The following ANKFY1 variants were observed in gnomAD, a reference collection of about 807,000 sequenced individuals.
The protein encoded by ANKFY1 is ankyrin repeat and FYVE domain containing 1.
In ANKFY1, 47 loss-of-function variants were observed where a neutral mutation model predicts 128.3. The ratio of observed to expected loss-of-function variants is 0.37; its 90% CI spans 0.29 to 0.47. The LOEUF is 0.47. ANKFY1 is among the 20% of genes least tolerant of loss of function. The pLI is 1.00. For synonymous variants in ANKFY1, 553 were observed against 601.6 expected (o/e 0.92, Z 1.18); for missense variants, 1,222 against 1,510.6 (o/e 0.81, Z 3.17).
intron 3 of ANKFY1, chr17:4,223,940 G>T: frequency 1.7e-6 from 1 of 574,128 alleles, no homozygotes; most frequent in East Asian, 2.8e-5. Flanking sequence ...CTGTGCCTCA[G>T]CAATGCTTTA....
At chr17:4,222,877 C>G (rs2060350910) in intron 3 of ANKFY1, 4 of 982,174 alleles carry the variant, frequency 4.1e-6, no homozygotes, top group Non-Finnish European at 6.6e-6. Flanking sequence ...TATCCGAGAG[C>G]TGACACACCC....
At chr17:4,173,021 T>C (rs2059350243) in intron 21 of ANKFY1, among the ~76,000 whole-genome samples, 1 of 152,204 alleles carries the variant, frequency 6.6e-6, no homozygotes, top group Non-Finnish European at 1.5e-5. Flanking sequence ...CACGCCCAGA[T>C]AATTTTTTGT....
intron 1 of ANKFY1, among the ~76,000 whole-genome samples, chr17:4,250,314 A>G (rs1235365350): frequency 5.9e-5 from 9 of 152,226 alleles, no homozygotes; most frequent in Admixed American, 2.0e-4. Flanking sequence ...ATCAAACTTC[A>G]TATCTTCCTC....
chr17:4,245,698 G>A (rs1967501156), intron 1 of ANKFY1, among the ~76,000 whole-genome samples: 1 of 149,142 alleles, frequency 6.7e-6, no homozygotes, highest in African/African-American at 2.5e-5. Context: ...AGCCGAGATT[G>A]TGCCACTGTA....
Position 4,179,237 on chromosome 17 carries a change from A to G in ANKFY1, c.2398-180T>C, listed in dbSNP as rs1363039952. On this transcript the variant is annotated intron_variant, in intron 17 of 24. Transcript: ENST00000341657. ...ATGACTAAATGTCACTTCCTGTTAC[A>G]CCACGTTCCAGTGACCCAGTGGTGA... 4 of 682,496 alleles carry G rather than the reference A, an allele frequency of 5.9e-6. No homozygotes were observed. The Admixed American group carries it at 7.7e-5, about 13-fold the overall frequency. The allele number at this position is 682,496 out of a possible 1,614,324, so 42.3% of individuals were successfully genotyped here. A position where few individuals can be genotyped will look rare whatever the true frequency, so the allele number is the denominator to read the frequency against.
chr17:4,218,782 G>A (rs886328523), intron 3 of ANKFY1, among the ~76,000 whole-genome samples: 1 of 152,168 alleles, frequency 6.6e-6, no homozygotes, highest in Non-Finnish European at 1.5e-5. Flanking sequence ...AGGGGCCAAT[G>A]TGGGAAGAGA....
intron 10 of ANKFY1, among the ~76,000 whole-genome samples, chr17:4,190,759 C>T (rs2143008041): frequency 6.6e-6 from 1 of 152,006 alleles, no homozygotes; most frequent in South Asian, 2.1e-4. Context: ...AATCCATTTC[C>T]AAAAATGAAC....
chr17:4,263,937 G>C lies in ANKFY1; in HGVS notation c.5C>G (p.Ala2Gly), dbSNP rs1968567696. ...GCTCCACAAAAAAACCCTACCTTCC[G>C]CCATGTCTGGCCCGGCACTGCCTGC... Reference protein sequence around the residue: MAEEEVAKLEKH... With the variant: MGEEEVAKLEKH... The change falls in exon 1 of 25, where the codon GCG (alanine) becomes GGG (glycine). Residue 2 changes from alanine to glycine, a missense_variant. Coordinates refer to ENST00000341657, the MANE Select transcript of ANKFY1 (RefSeq NM_001330063.2). The C allele has an allele frequency of 1.9e-6, 3 of 1,613,956 alleles. No individual in the cohort carries two copies. The highest frequency in any genetic ancestry group is 8.5e-7 in the Non-Finnish European group (1 of 1,179,944).
rs150152277 is a variant in ANKFY1 at position 4,200,824 on chromosome 17, C to G, written c.899-3247G>C. Among the ~76,000 whole-genome samples the G allele has an allele frequency of 8.6e-4, 131 of 152,324 alleles. 1 individual carries two copies. The highest frequency in any genetic ancestry group is 3.0e-3 in the African/African-American group (123 of 41,568). ...ACAACTCGAGACGATGATTTTCTCT[C>G]TCTTCCAAAGTTTTCCTTTCATATC... On this transcript the variant is annotated intron_variant, in intron 7 of 24. Transcript: ENST00000341657.
intron 22 of ANKFY1, among the ~76,000 whole-genome samples, chr17:4,171,736 C>A (rs951332610): frequency 6.6e-6 from 1 of 152,132 alleles, no homozygotes; most frequent in African/African-American, 2.4e-5. Context: ...AAAAACAGTG[C>A]GCACGTAGCA....
intron 1 of ANKFY1, among the ~76,000 whole-genome samples, chr17:4,245,735 C>G (rs1227045418): frequency 7.1e-6 from 1 of 140,904 alleles, no homozygotes; most frequent in Admixed American, 7.4e-5. Context: ...AGAGCAAGAC[C>G]CTGTCTCAAA....
chr17:4,236,319 A>G (rs976198055), intron 2 of ANKFY1, among the ~76,000 whole-genome samples: 6 of 152,340 alleles, frequency 3.9e-5, no homozygotes, highest in Middle Eastern at 3.4e-3. Context: ...TATGCTCCAC[A>G]GTAACGCTCA....
chr17:4,182,121 C>A, intron 15 of ANKFY1, 60 bp downstream of exon 15: 4 of 1,361,036 alleles, frequency 2.9e-6, no homozygotes, highest in Non-Finnish European at 3.9e-6. Flanking sequence ...GGCAGCAGAT[C>A]CATCTCTGAC....
chr17:4,231,091 T>C (rs1660306320), intron 3 of ANKFY1, among the ~76,000 whole-genome samples: 1 of 152,262 alleles, frequency 6.6e-6, no homozygotes, highest in Admixed American at 6.5e-5. Flanking sequence ...TTGTTTTTCA[T>C]AACCTTGACA....
intron 7 of ANKFY1, 64 bp from the exon 8 acceptor site, chr17:4,197,641 G>T: frequency 6.8e-7 from 1 of 1,478,562 alleles, no homozygotes; most frequent in African/African-American, 1.4e-5. Flanking sequence ...GCTTCTTCAA[G>T]AGGGAGCAGA....
intron 1 of ANKFY1, among the ~76,000 whole-genome samples, chr17:4,250,411 T>C (rs1490711270): frequency 1.3e-5 from 2 of 152,352 alleles, no homozygotes; most frequent in East Asian, 3.9e-4. Flanking sequence ...TTTTTAATAG[T>C]ATACCAAACA....
At position 4,170,781 on chromosome 17, in the gene ANKFY1, T is replaced by C; in HGVS notation, c.3220A>G (p.Asn1074Asp). The part of the protein sequence containing the change: ...VRSGARLGVN[N>D]NQGVNIFNYQ... ...TTGAAGATGTTGACTCCCTGGTTGT[T>C]ATTCACCCCGAGGCGAGCCCCCGAC... Residue 1074 changes from asparagine to aspartate, a missense_variant, in exon 23 of 25, where the codon AAC becomes GAC. Asn to Asp is a conservative substitution (Grantham distance 23). Coordinates refer to ENST00000341657, the MANE Select transcript of ANKFY1 (RefSeq NM_001330063.2). 1 of 1,614,134 alleles carries C rather than the reference T, an allele frequency of 6.2e-7. No homozygotes were observed. Among genetic ancestry groups the C allele is most frequent in the Non-Finnish European group, 8.5e-7 (1 of 1,180,012 alleles).
rs756826513 is a variant in ANKFY1 at position 4,170,911 on chromosome 17, G to A, written c.3140-50C>T. On this transcript the variant is annotated intron_variant, in intron 22 of 24. Transcript: ENST00000341657. The stretch of plus-strand genomic sequence containing the variant: ...GCTACTTCCCACCCGGCCCAGCCCG[G>A]CAGCCACAGACGGAGGGCGGAGGAC... The A allele has an allele frequency of 3.1e-6, 5 of 1,611,106 alleles. No individual in the cohort carries two copies. In the Admixed American group the frequency reaches 5.0e-5, roughly 16 times the overall value.
At chr17:4,184,003 G>A (rs2059565227) in intron 12 of ANKFY1, 93 bp from the exon 13 acceptor site, 3 of 1,029,212 alleles carry the variant, frequency 2.9e-6, no homozygotes, top group Non-Finnish European at 4.5e-6. Flanking sequence ...ACTGCCTGTT[G>A]GGTATAATAT....
Sources: gnomAD v4.1 joint callset for allele counts (sites outside exome capture counted in the v4.1 genomes callset) on GRCh38, gnomAD v4.1.1 for gene constraint, MANE v1.5 for transcripts, NCBI Gene and HGNC (gene_info 2026-07-23, HGNC 2026-07-21) for gene names.